ASIC2: variants seen among roughly 807,000 people sequenced by gnomAD.
The protein encoded by ASIC2 is acid sensing ion channel subunit 2, also known as acid-sensing ion channel 2.
In ASIC2, 25 loss-of-function variants were observed where a neutral mutation model predicts 57.3. The ratio of observed to expected loss-of-function variants is 0.44; its 90% confidence interval spans 0.32 to 0.61. The LOEUF is 0.61. ASIC2 is among the 20% of genes least tolerant of loss of function. ASIC2 has a pLI of 0.06. For synonymous variants in ASIC2, 319 were observed against 307.5 expected, an observed-to-expected ratio of 1.04 and a Z score of -0.39; for missense variants, 641 against 738.1, an observed-to-expected ratio of 0.87 and a Z score of 1.52.
At chr17:33,687,621 A>C (rs975576780) in intron 1 of ASIC2, among the ~76,000 whole-genome samples, 1 of 152,114 alleles carries the variant, frequency 6.6e-6, no homozygotes, top group South Asian at 2.1e-4. Context: ...CATCCCCTTC[A>C]ATGTGGCTCT....
At chr17:33,903,591 A>T (rs1487714718) in intron 1 of ASIC2, among the ~76,000 whole-genome samples, 1 of 152,232 alleles carries the variant, frequency 6.6e-6, no homozygotes, top group African/African-American at 2.4e-5. Flanking sequence ...TTATTTAAAC[A>T]TGGAGGGTTT....
intron 1 of ASIC2, among the ~76,000 whole-genome samples, chr17:33,629,695 GA>G (rs532761066): frequency 1.8e-4 from 27 of 152,206 alleles, no homozygotes; most frequent in African/African-American, 6.5e-4. Flanking sequence ...TCTTTGAACT[GA>G]AAAAAACTGG....
At chr17:33,080,254 G>A (rs2092107927) in intron 3 of ASIC2, among the ~76,000 whole-genome samples, 1 of 152,138 alleles carries the variant, frequency 6.6e-6, no homozygotes, top group Non-Finnish European at 1.5e-5. Context: ...GTGTCTCAGG[G>A]AGGGTGTGGT....
chr17:33,244,690 T>C (rs918109208), intron 1 of ASIC2, among the ~76,000 whole-genome samples: 2 of 152,162 alleles, frequency 1.3e-5, no homozygotes, highest in African/African-American at 4.8e-5. Flanking sequence ...CCCTTGGCTC[T>C]TAGAGGATCC....
chr17:33,299,919 T>G (rs909676666), intron 1 of ASIC2, among the ~76,000 whole-genome samples: 1 of 152,196 alleles, frequency 6.6e-6, no homozygotes, highest in Non-Finnish European at 1.5e-5. Context: ...GGTCCAGAGT[T>G]GGGAGAGACT....
upstream of ASIC2, among the ~76,000 whole-genome samples, chr17:33,294,302 A>AGGAC (rs1227655260): frequency 1.3e-5 from 2 of 152,158 alleles, no homozygotes; most frequent in Non-Finnish European, 2.9e-5. Context: ...CAGTGGAAGA[A>AGGAC]GGACCAACGT....
chr17:33,774,540 G>A (rs1177172278), intron 1 of ASIC2, among the ~76,000 whole-genome samples: 1 of 152,064 alleles, frequency 6.6e-6, no homozygotes. Flanking sequence ...TTAAGCAAGA[G>A]AAAAAAGAAG....
chr17:33,282,506 G>T (rs944584031), intron 1 of ASIC2, among the ~76,000 whole-genome samples: 3 of 151,216 alleles, frequency 2.0e-5, no homozygotes, highest in African/African-American at 7.3e-5. Flanking sequence ...ACAGATCCTT[G>T]CCCTGTTGTC....
intron 1 of ASIC2, among the ~76,000 whole-genome samples, chr17:33,805,709 C>T (rs1912249092): frequency 6.6e-6 from 1 of 152,132 alleles, no homozygotes; most frequent in South Asian, 2.1e-4. Flanking sequence ...GTTTCCCTTT[C>T]AGAAGGTCAC....
intron 1 of ASIC2, among the ~76,000 whole-genome samples, chr17:33,214,500 CTATCCCTT>C (rs1234077078): frequency 6.6e-6 from 1 of 152,232 alleles, no homozygotes; most frequent in Non-Finnish European, 1.5e-5. Context: ...GCTCCTAAAT[CTATCCCTT>C]TATCCTTCAA....
At chr17:33,955,935 CT>C (rs1215419617) in intron 1 of ASIC2, among the ~76,000 whole-genome samples, 2 of 152,122 alleles carry the variant, frequency 1.3e-5, no homozygotes, top group Non-Finnish European at 2.9e-5. Flanking sequence ...ATTATGTTCT[CT>C]CCATTCAAAT....
intron 1 of ASIC2, among the ~76,000 whole-genome samples, chr17:33,901,736 G>A (rs1460931554): frequency 6.6e-6 from 1 of 152,148 alleles, no homozygotes; most frequent in Non-Finnish European, 1.5e-5. Context: ...AAAATCTTGT[G>A]ATCTTGGTAA....
chr17:33,994,130 C>A (rs1356540516), intron 1 of ASIC2, among the ~76,000 whole-genome samples: 1 of 152,154 alleles, frequency 6.6e-6, no homozygotes, highest in Non-Finnish European at 1.5e-5. Context: ...CCAGCTCAAG[C>A]CTATTACAGA....
intron 1 of ASIC2, among the ~76,000 whole-genome samples, chr17:33,520,916 C>A (rs1914721133): frequency 1.3e-5 from 2 of 152,292 alleles, no homozygotes; most frequent in African/African-American, 4.8e-5. Flanking sequence ...ATGCTTGCCT[C>A]ACCTGCCTGG....
At chr17:33,293,348 T>G (rs1905587770), upstream of ASIC2, among the ~76,000 whole-genome samples, 1 of 151,968 alleles carries the variant, frequency 6.6e-6, no homozygotes, top group African/African-American at 2.4e-5. Context: ...GGAGACGCGG[T>G]GCTGACGCGC....
intron 1 of ASIC2, among the ~76,000 whole-genome samples, chr17:33,830,038 G>T (rs552975989): frequency 6.6e-6 from 1 of 152,284 alleles, no homozygotes; most frequent in Non-Finnish European, 1.5e-5. Context: ...GTTCAACAAA[G>T]AGGATTTCAC....
chr17:33,408,023 A>G (rs2141962826), intron 1 of ASIC2, among the ~76,000 whole-genome samples: 1 of 152,166 alleles, frequency 6.6e-6, no homozygotes, highest in East Asian at 1.9e-4. Context: ...CCAGTTCCAA[A>G]TCTGTGGCTT....
chr17:34,025,148 T>C (rs73278492), intron 1 of ASIC2, among the ~76,000 whole-genome samples: 7,623 of 152,278 alleles, frequency 0.05, 625 homozygotes, highest in African/African-American at 0.17. Flanking sequence ...GACCCTGCTC[T>C]GCCTCAAGCA....
chr17:33,180,301 C>T (rs929987480), intron 1 of ASIC2, among the ~76,000 whole-genome samples: 2 of 152,174 alleles, frequency 1.3e-5, no homozygotes, highest in Non-Finnish European at 2.9e-5. Flanking sequence ...TTGTTAGTGA[C>T]CAGAACTATC....
Sources: gnomAD v4.1 joint callset for allele counts (sites outside exome capture counted in the v4.1 genomes callset) on GRCh38, gnomAD v4.1.1 for gene constraint, MANE v1.5 for transcripts, NCBI Gene and HGNC (gene_info 2026-07-23, HGNC 2026-07-21) for gene names.